Variants in IDNK observed in about 807,000 individuals in gnomAD.
The protein encoded by IDNK is gluconokinase.
Under a neutral mutation model 13.0 loss-of-function variants are expected in IDNK, and 9 were observed. The observed-to-expected ratio is 0.69, with a 90% CI of 0.42 to 1.21. The LOEUF is 1.21. Among genes scored for constraint, IDNK ranks in the 50% most tolerant of loss-of-function variants. The pLI is 0.00. For synonymous variants in IDNK, 92 were observed against 94.9 expected, an observed-to-expected ratio of 0.97 and a Z score of 0.18; for missense variants, 210 against 237.8, an observed-to-expected ratio of 0.88 and a Z score of 0.77.
intron 3 of IDNK, among the ~76,000 whole-genome samples, chr9:83,631,451 G>GAAAAAACAAAAAAAAAAA (rs1831011340): frequency 1.8e-5 from 1 of 56,946 alleles, no homozygotes; most frequent in Non-Finnish European, 3.0e-5. Flanking sequence ...TACAAAAACT[G>GAAAAAACAAAAAAAAAAA]AAAAAAAAAA....
At chr9:83,641,522 T>C in intron 3 of IDNK, 26 bp from the exon 4 acceptor site, 3 of 1,613,450 alleles carry the variant, frequency 1.9e-6, no homozygotes, top group Non-Finnish European at 1.7e-6. Context: ...ACGTTGTGTC[T>C]GGGTTTTTGT....
intron 1 of IDNK, chr9:83,626,819 G>A (rs887285825): frequency 2.0e-5 from 23 of 1,131,130 alleles, no homozygotes; most frequent in Non-Finnish European, 2.3e-5. Context: ...ATGTCTCCCT[G>A]CGCAGCCTTC....
intron 4 of IDNK, among the ~76,000 whole-genome samples, chr9:83,641,809 C>T (rs572044860): frequency 6.6e-6 from 1 of 152,364 alleles, no homozygotes; most frequent in South Asian, 2.1e-4. Flanking sequence ...TTCTAGACAG[C>T]TCCACACAGT....
chr9:83,643,044 G>A (rs564638267), intron 4 of IDNK, among the ~76,000 whole-genome samples: 11 of 152,292 alleles, frequency 7.2e-5, no homozygotes, highest in South Asian at 4.1e-4. Context: ...GGGGCATGCC[G>A]GCAGCCCTGT....
intron 1 of IDNK, 81 bp downstream of exon 1, chr9:83,623,302 G>T: frequency 8.1e-7 from 1 of 1,232,924 alleles, no homozygotes; most frequent in Non-Finnish European, 1.1e-6. Flanking sequence ...CGTCCCTGCC[G>T]GTGGACTGGG....
rs1009885628 is a variant in IDNK at position 83,641,473 on chromosome 9, T to G, written c.169-75T>G. ...GACCTTAACATTTGTGAACATGATA[T>G]AACTGTTTCTCTACAAACAAACAAT... is the stretch of plus-strand genomic sequence containing the variant. On this transcript the variant is annotated intron_variant, in intron 3 of 4. Transcript: ENST00000376419. The G allele has an allele frequency of 1.8e-5, 27 of 1,514,310 alleles. No homozygotes were observed. In the Admixed American group the frequency reaches 2.7e-4, roughly 15 times the overall value. 93.8% of individuals were successfully genotyped at this position (1,514,310 alleles called of 1,614,324 possible).
chr9:83,639,804 A>C (rs1831255505), intron 3 of IDNK, among the ~76,000 whole-genome samples: 1 of 152,190 alleles, frequency 6.6e-6, no homozygotes, highest in Non-Finnish European at 1.5e-5. Context: ...GAGCTGTATA[A>C]TTTATAGTAA....
rs11140192 is a variant in IDNK at position 83,643,230 on chromosome 9, G to A, written c.213-199G>A. On this transcript the variant is annotated intron_variant, in intron 4 of 4. Transcript: ENST00000376419. ...TGAACTGACGCTCAGAGAGGTAAAT[G>A]CCTTGGCCCAAGATTGTTCACTTTA... is the stretch of plus-strand genomic sequence containing the variant. 8.3e-3 allele frequency among the ~76,000 whole-genome samples: 1,264 copies of A among 152,298 alleles called. 34 individuals carry two copies. Among genetic ancestry groups the A allele is most frequent in the East Asian group, 0.046 (238 of 5,178 alleles).
intron 3 of IDNK, among the ~76,000 whole-genome samples, chr9:83,639,378 G>A (rs2811915): frequency 0.24 from 37,145 of 152,020 alleles, 5,145 homozygotes; most frequent in Middle Eastern, 0.35. Context: ...CGAGCTAGTT[G>A]CTCAGTTCAA....
intron 3 of IDNK, among the ~76,000 whole-genome samples, chr9:83,636,081 C>T (rs1423305298): frequency 6.6e-6 from 1 of 152,154 alleles, no homozygotes; most frequent in Non-Finnish European, 1.5e-5. Flanking sequence ...TTATCTTTTT[C>T]ATCTCCATTA....
At position 83,628,199 on chromosome 9, in the gene IDNK, G is replaced by A. The variant is rs371982650; in HGVS notation, c.69G>A (p.Leu23=). The part of the protein sequence containing the change: ...SGSGKSTVGA[L]LASELGWKFY... ...TCCACAGATCCACCGTGGGCGCCCT[G>A]CTGGCATCTGAGGTTAGTAACCTGT... The change falls in exon 2 of 5, where the codon CTG becomes CTA. Residue 23 remains leucine (L), a synonymous_variant. Coordinates refer to ENST00000376419, the MANE Select transcript of IDNK (RefSeq NM_001001551.4). 6.0e-5 allele frequency: 93 copies of A among 1,550,562 alleles called. 1 individual carries two copies. The East Asian group carries it at 1.4e-3, about 23-fold the overall frequency.
At chr9:83,631,267 G>T (rs1005374766) in intron 3 of IDNK, among the ~76,000 whole-genome samples, 1 of 151,964 alleles carries the variant, frequency 6.6e-6, no homozygotes, top group Middle Eastern at 3.4e-3. Context: ...TTTTGTGTTC[G>T]GAGGGCTCAG....
intron 3 of IDNK, among the ~76,000 whole-genome samples, chr9:83,636,210 T>C (rs1046085929): frequency 2.0e-5 from 3 of 152,160 alleles, no homozygotes; most frequent in Non-Finnish European, 4.4e-5. Context: ...AATGATCATA[T>C]CTAGGGTATT....
rs113042732 is a variant in IDNK, at chr9:83,641,717, G to A, written c.212+126G>A. 961 of 966,566 alleles carry A rather than the reference G, an allele frequency of 9.9e-4. 4 individuals carry two copies. In the African/African-American group the frequency reaches 0.014, roughly 15 times the overall value. The allele number at this position is 966,566 out of a possible 1,614,324, so 59.9% of individuals were successfully genotyped here. On this transcript the variant is annotated intron_variant, in intron 4 of 4. Transcript: ENST00000376419. ...CTGATGGTAAAGGATTCTAGAAACT[G>A]GCTGCACTTCTATCAGGTAACCACA...
At chr9:83,637,989 CA>C (rs1831208874) in intron 3 of IDNK, among the ~76,000 whole-genome samples, 1 of 152,098 alleles carries the variant, frequency 6.6e-6, no homozygotes, top group Non-Finnish European at 1.5e-5. Context: ...CGGCTACACC[CA>C]AATTCACACT....
At chr9:83,638,990 T>C (rs1362565361) in intron 3 of IDNK, among the ~76,000 whole-genome samples, 2 of 152,134 alleles carry the variant, frequency 1.3e-5, no homozygotes, top group Non-Finnish European at 2.9e-5. Context: ...TAATGAAAAA[T>C]AATATTCTTT....
intron 3 of IDNK, among the ~76,000 whole-genome samples, chr9:83,635,325 AT>A (rs1831135154): frequency 6.6e-6 from 1 of 152,262 alleles, no homozygotes; most frequent in Non-Finnish European, 1.5e-5. Flanking sequence ...TAGTACCCAC[AT>A]TTTCAGAAAC....
At chr9:83,641,476 C>CT in intron 3 of IDNK, 72 bp from the exon 4 acceptor site, 2 of 1,522,716 alleles carry the variant, frequency 1.3e-6, no homozygotes, top group Non-Finnish European at 1.8e-6. Context: ...CATGATATAA[C>CT]TGTTTCTCTA....
At chr9:83,631,209 G>A (rs1288453029) in intron 3 of IDNK, among the ~76,000 whole-genome samples, 1 of 151,952 alleles carries the variant, frequency 6.6e-6, no homozygotes, top group Non-Finnish European at 1.5e-5. Flanking sequence ...CCAAGTCAGA[G>A]GCCCTGGTTC....
Sources: gnomAD v4.1 joint callset for allele counts (sites outside exome capture counted in the v4.1 genomes callset) on GRCh38, gnomAD v4.1.1 for gene constraint, MANE v1.5 for transcripts, NCBI Gene and HGNC (gene_info 2026-07-23, HGNC 2026-07-21) for gene names.